Variants in EHMT1 observed in about 807,000 individuals in gnomAD.
The protein encoded by EHMT1 is histone-lysine N-methyltransferase EHMT1.
EHMT1 carries 15 observed loss-of-function variants against 147.2 expected under a neutral mutation model. The observed-to-expected ratio is 0.10, with a 90% CI of 0.07 to 0.16. EHMT1 has a LOEUF of 0.16. Ranked by LOEUF, EHMT1 falls within the 10% of genes least tolerant of loss-of-function variation. The pLI, the probability that EHMT1 is intolerant of heterozygous loss-of-function variation, is 1.00. For synonymous variants in EHMT1, 795 were observed against 709.6 expected (o/e 1.12, Z -1.91); for missense variants, 1,587 against 1,772.4 (o/e 0.90, Z 1.88).
intron 1 of EHMT1, among the ~76,000 whole-genome samples, chr9:137,629,213 C>T (rs538358154): frequency 1.3e-4 from 19 of 151,884 alleles, no homozygotes; most frequent in African/African-American, 4.1e-4. Context: ...CAGCCTCAGC[C>T]TCCCGAGTAG....
In EHMT1 at chr9:137,680,046, G is replaced by A. The variant is rs908467194; in HGVS notation, c.22-30921G>A. On this transcript the variant is annotated intron_variant, in intron 1 of 26. Coordinates refer to ENST00000460843, the MANE Select transcript of EHMT1 (RefSeq NM_024757.5). ...TGCTGATGTGAAATGCCTCTACGTT[G>A]TATCTGTATCTTGTATTGTATTCCC... Among the ~76,000 whole-genome samples the A allele has an allele frequency of 3.3e-5, 5 of 152,226 alleles. No homozygotes were observed. The South Asian group carries it at 1.0e-3, about 32-fold the overall frequency.
chr9:137,771,685 C>A (rs11137220), intron 10 of EHMT1, among the ~76,000 whole-genome samples: 4 of 140,990 alleles, frequency 2.8e-5, no homozygotes, highest in Non-Finnish European at 4.4e-5. Context: ...CCGAGGAGAC[C>A]GGGGTGGCGG....
chr9:137,717,285 T>A lies in EHMT1; in HGVS notation c.642+103T>A, dbSNP rs1588331765. On this transcript the variant is annotated intron_variant, in intron 3 of 26. Transcript: ENST00000460843. ...TTGAGGAGAAGCCAGTAAGTGTCAG[T>A]GGTTATCCGACAGGGCCTATGAGGA... is the stretch of plus-strand genomic sequence containing the variant. 4.2e-6 allele frequency: 6 copies of A among 1,441,998 alleles called. No homozygotes were observed. In the East Asian group the frequency reaches 1.2e-4, roughly 29 times the overall value. 89.3% of individuals were successfully genotyped at this position (1,441,998 alleles called of 1,614,324 possible).
intron 18 of EHMT1, among the ~76,000 whole-genome samples, chr9:137,810,887 A>G (rs1954422212): frequency 6.6e-6 from 1 of 151,808 alleles, no homozygotes; most frequent in African/African-American, 2.4e-5. Context: ...TTTTAGTAGA[A>G]ACGGGGTTTC....
chr9:137,620,152 T>C (rs1842866219), intron 1 of EHMT1: 1 of 152,156 alleles, frequency 6.6e-6, no homozygotes, highest in Admixed American at 6.6e-5. Flanking sequence ...GCAGGGGAAT[T>C]CTTAAATTCA....
intron 1 of EHMT1, among the ~76,000 whole-genome samples, chr9:137,647,449 C>A (rs1844979352): frequency 6.6e-6 from 1 of 152,176 alleles, no homozygotes; most frequent in South Asian, 2.1e-4. Context: ...GACACAGCTT[C>A]TGCACTCCAT....
chr9:137,629,841 T>C (rs1413177598), intron 1 of EHMT1, among the ~76,000 whole-genome samples: 2 of 152,194 alleles, frequency 1.3e-5, no homozygotes, highest in Admixed American at 6.6e-5. Flanking sequence ...AGAATAGTTA[T>C]TAGAGCCCAG....
intron 1 of EHMT1, among the ~76,000 whole-genome samples, chr9:137,710,592 G>C (rs1227319557): frequency 6.6e-6 from 1 of 152,116 alleles, no homozygotes; most frequent in African/African-American, 2.4e-5. Flanking sequence ...ATAATTTTTT[G>C]TAGGAGGTTG....
At position 137,622,939 on chromosome 9, in the gene EHMT1, G is replaced by A. The variant is rs566304248; in HGVS notation, c.21+3890G>A. The stretch of plus-strand genomic sequence containing the variant: ...AAAAAAAAAAAATACAGCCAGGCGC[G>A]GTGTCTCACACCTGTAATCCCAGCA... On this transcript the variant is annotated intron_variant, in intron 1 of 26. Coordinates refer to ENST00000460843, the MANE Select transcript of EHMT1 (RefSeq NM_024757.5). 1.9e-4 allele frequency among the ~76,000 whole-genome samples: 28 copies of A among 150,776 alleles called. No homozygotes were observed. In the East Asian group the frequency reaches 3.7e-3, roughly 20 times the overall value.
chr9:137,656,799 G>C (rs1156492270), intron 1 of EHMT1, among the ~76,000 whole-genome samples: 14 of 152,070 alleles, frequency 9.2e-5, no homozygotes. Context: ...GGAGTGCAAT[G>C]GTGCCATCTT....
In EHMT1 at chr9:137,776,757, A is replaced by C. The variant is rs767536068; in HGVS notation, c.1931A>C (p.Lys644Thr). 3.1e-6 allele frequency: 5 copies of C among 1,613,932 alleles called. No individual in the cohort carries two copies. The highest frequency in any genetic ancestry group is 1.3e-5 in the African/African-American group (1 of 74,884). Reference protein sequence around the residue: ...SSKAKEVTIAKADTTSTVTPV... With the variant: ...SSKAKEVTIATADTTSTVTPV... ...AAGGCCAAAGAGGTGACGATAGCTA[A>C]AGCAGACACCACCTCGACCGTGACA... Residue 644 changes from lysine to threonine, a missense_variant, in exon 12 of 27, where the codon AAA (lysine) becomes ACA (threonine). Transcript: ENST00000460843. This position sits in a 1 kb window ranked among gnomAD's most constrained non-coding sequence, Gnocchi z 4.4.
intron 18 of EHMT1, among the ~76,000 whole-genome samples, chr9:137,801,407 T>C (rs1240673320): frequency 6.6e-6 from 1 of 151,890 alleles, no homozygotes; most frequent in Non-Finnish European, 1.5e-5. Context: ...CTGCAACCTC[T>C]GCCTCCTGGG....
At chr9:137,621,132 TA>T (rs1206464345) in intron 1 of EHMT1, among the ~76,000 whole-genome samples, 11 of 152,172 alleles carry the variant, frequency 7.2e-5, no homozygotes, top group African/African-American at 2.4e-4. Flanking sequence ...CATTTTAGGT[TA>T]ATAAAAGCTC....
chr9:137,717,397 G>GT (rs1194822823), intron 3 of EHMT1: 1 of 671,824 alleles, frequency 1.5e-6, no homozygotes, highest in African/African-American at 1.8e-5. Context: ...GAGCCTAGGA[G>GT]TTTGAGACCA....
At chr9:137,725,680 G>GACC (rs917157875) in intron 3 of EHMT1, among the ~76,000 whole-genome samples, 2 of 152,128 alleles carry the variant, frequency 1.3e-5, no homozygotes, top group African/African-American at 4.8e-5. Flanking sequence ...GCTTTGCAAG[G>GACC]ACCACATGGC....
chr9:137,708,483 G>A (rs915700924), intron 1 of EHMT1, among the ~76,000 whole-genome samples: 1 of 152,054 alleles, frequency 6.6e-6, no homozygotes, highest in African/African-American at 2.4e-5. Flanking sequence ...GGGCATTTGG[G>A]GAGTGTCAGC....
At chr9:137,802,604 C>T in intron 18 of EHMT1, 1 of 401,934 alleles carries the variant, frequency 2.5e-6, no homozygotes, top group Non-Finnish European at 4.4e-6. Flanking sequence ...GGGCACGGGC[C>T]CTTGCCATTC....
chr9:137,682,509 C>G (rs1942050736), intron 1 of EHMT1, among the ~76,000 whole-genome samples: 1 of 152,224 alleles, frequency 6.6e-6, no homozygotes, highest in Admixed American at 6.5e-5. Flanking sequence ...GAGCGTCTCC[C>G]TGGCGGCCAG....
chr9:137,784,468 G>A (rs11137227), intron 15 of EHMT1: 23 of 1,078,154 alleles, frequency 2.1e-5, no homozygotes, highest in African/African-American at 1.8e-4. Context: ...CGATTTTGCC[G>A]TTTCTCTTCT....
Sources: allele counts gnomAD v4.1 joint callset (sites outside exome capture counted in the v4.1 genomes callset), GRCh38; gene constraint gnomAD v4.1.1; non-coding constraint Gnocchi (gnomAD v3.1); transcripts MANE v1.5; gene names NCBI Gene and HGNC (gene_info 2026-07-23, HGNC 2026-07-21).